The following NIBAN2 variants were observed in gnomAD, a reference collection of about 807,000 sequenced individuals.
The protein encoded by NIBAN2 is niban apoptosis regulator 2, also known as protein Niban 2.
A neutral mutation model predicts 81.8 loss-of-function variants in NIBAN2; 36 were observed. The observed-to-expected ratio is 0.44, with a 90% CI of 0.34 to 0.58. NIBAN2 has a LOEUF of 0.58. Ranked by LOEUF, NIBAN2 falls within the 20% of genes least tolerant of loss-of-function variation. NIBAN2 has a pLI of 0.02. For missense variants in NIBAN2, 897 were observed against 1,014.1 expected, an observed-to-expected ratio of 0.88 and a Z score of 1.57; for synonymous variants, 445 against 441.6, an observed-to-expected ratio of 1.01 and a Z score of -0.10.
chr9:127,524,930 C>T (rs961782356), intron 4 of NIBAN2, 128 bp downstream of exon 4: 3 of 663,228 alleles, frequency 4.5e-6, no homozygotes, highest in South Asian at 1.9e-5. Flanking sequence ...TCTCCATCCA[C>T]AGCTCTAAGC....
intron 8 of NIBAN2, among the ~76,000 whole-genome samples, chr9:127,515,489 C>T (rs1413369951): frequency 3.4e-5 from 5 of 146,422 alleles, no homozygotes; most frequent in African/African-American, 1.0e-4. Context: ...CCACTGCACT[C>T]CAGCCTGGGC....
intron 1 of NIBAN2, among the ~76,000 whole-genome samples, chr9:127,554,528 ATTCTT>A (rs1436157860): frequency 8.9e-6 from 1 of 111,992 alleles, no homozygotes; most frequent in Non-Finnish European, 2.0e-5. Flanking sequence ...CAATAGGGTT[ATTCTT>A]TTCTTTTTCT....
chr9:127,568,113 T>TA (rs1837889867), intron 1 of NIBAN2, among the ~76,000 whole-genome samples: 2 of 152,108 alleles, frequency 1.3e-5, no homozygotes, highest in Admixed American at 1.3e-4. Context: ...CACTGTGCAG[T>TA]AATAGGCTGA....
At chr9:127,521,722 G>A (rs1208032280) in intron 5 of NIBAN2, among the ~76,000 whole-genome samples, 2 of 152,206 alleles carry the variant, frequency 1.3e-5, no homozygotes, top group African/African-American at 4.8e-5. Flanking sequence ...CCACCCGGCA[G>A]GACACCTTCC....
upstream of NIBAN2, among the ~76,000 whole-genome samples, chr9:127,571,566 C>A (rs150308119): frequency 6.6e-6 from 1 of 152,106 alleles, no homozygotes. Context: ...CATGGTGGCA[C>A]GCGCCTGTAG....
At chr9:127,511,067 CAG>C (rs759044558) in intron 8 of NIBAN2, among the ~76,000 whole-genome samples, 22 of 152,248 alleles carry the variant, frequency 1.4e-4, no homozygotes, top group Admixed American at 1.0e-3. Flanking sequence ...ATTTTTGAGA[CAG>C]AGTCTCGTGC....
At chr9:127,522,350 C>A (rs887341408) in intron 5 of NIBAN2, among the ~76,000 whole-genome samples, 2 of 152,178 alleles carry the variant, frequency 1.3e-5, no homozygotes, top group South Asian at 2.1e-4. Flanking sequence ...TCCCCTGCAA[C>A]CTTCCACCTC....
intron 1 of NIBAN2, among the ~76,000 whole-genome samples, chr9:127,541,125 C>T (rs1168478373): frequency 6.6e-6 from 1 of 152,206 alleles, no homozygotes; most frequent in African/African-American, 2.4e-5. Context: ...AGAGTTGTCC[C>T]AAGCACCACC....
At chr9:127,555,074 A>G (rs1271065462) in intron 1 of NIBAN2, among the ~76,000 whole-genome samples, 1 of 152,180 alleles carries the variant, frequency 6.6e-6, no homozygotes, top group Non-Finnish European at 1.5e-5. Context: ...ACAAACATAC[A>G]CACTTTCAGA....
At chr9:127,511,981 G>C (rs537023689) in intron 8 of NIBAN2, among the ~76,000 whole-genome samples, 1 of 152,140 alleles carries the variant, frequency 6.6e-6, no homozygotes, top group Non-Finnish European at 1.5e-5. Flanking sequence ...GGGAACCTCC[G>C]TACACTGCTG....
chr9:127,527,003 G>A (rs7038962), intron 3 of NIBAN2, among the ~76,000 whole-genome samples, 191 bp downstream of exon 3: 36 of 152,170 alleles, frequency 2.4e-4, no homozygotes, highest in Non-Finnish European at 4.6e-4. Context: ...TGAAGAATGA[G>A]CTGCCGTCCA....
chr9:127,564,371 C>A (rs188441678), intron 1 of NIBAN2, among the ~76,000 whole-genome samples: 1 of 151,350 alleles, frequency 6.6e-6, no homozygotes, highest in East Asian at 1.9e-4. Context: ...GGGTTTGTAC[C>A]AGCAGGTTCA....
rs558356297 is a variant in NIBAN2 at position 127,515,104 on chromosome 9, T to C, written c.973+1753A>G. ...AGCCAGGCGTGGTGGCCTGCACCTG[T>C]AGTCCCAGTTACGCAGGAGGCTGAG... On this transcript the variant is annotated intron_variant, in intron 8 of 13. Coordinates refer to ENST00000373312, the MANE Select transcript of NIBAN2 (RefSeq NM_022833.4). Among the ~76,000 whole-genome samples the C allele has an allele frequency of 5.3e-5, 8 of 152,292 alleles. No individual in the cohort carries two copies. The East Asian group carries it at 1.5e-3, about 29-fold the overall frequency.
chr9:127,527,076 T>G (rs1056674518), intron 3 of NIBAN2, 118 bp downstream of exon 3: 1 of 1,307,756 alleles, frequency 7.6e-7, no homozygotes, highest in African/African-American at 1.4e-5. Context: ...GCTCTGGCCC[T>G]GGTGACCGCG....
chr9:127,525,784 A>T (rs549580420), intron 3 of NIBAN2, among the ~76,000 whole-genome samples: 1 of 152,344 alleles, frequency 6.6e-6, no homozygotes, highest in East Asian at 1.9e-4. Context: ...GTTGGGAAGT[A>T]GCAGATGTAG....
chr9:127,561,446 C>T (rs1837772577), intron 1 of NIBAN2, among the ~76,000 whole-genome samples: 4 of 152,198 alleles, frequency 2.6e-5, no homozygotes, highest in South Asian at 2.1e-4. Context: ...CACTGTTCTG[C>T]GCTGACCAGG....
At position 127,569,052 on chromosome 9, in the gene NIBAN2, C is replaced by T; in HGVS notation, c.-178G>A. 2.2e-5 allele frequency: 24 copies of T among 1,089,490 alleles called. No homozygotes were observed. The highest frequency in any genetic ancestry group is 2.7e-5 in the Non-Finnish European group (24 of 898,912). 67.5% of individuals were successfully genotyped at this position (1,089,490 alleles called of 1,614,324 possible). ...TCCGGCTCCGCTCCCGGTCGGGCCCCGTCCCTCCAGCCGGCCGCCTTGGCC... is the reference window on the plus strand; with the variant it reads ...TCCGGCTCCGCTCCCGGTCGGGCCCTGTCCCTCCAGCCGGCCGCCTTGGCC... On this transcript the variant is annotated 5_prime_UTR_variant, in exon 1 of 14. Transcript: ENST00000373312.
At chr9:127,535,204 C>T (rs904239885) in intron 1 of NIBAN2, among the ~76,000 whole-genome samples, 8 of 152,256 alleles carry the variant, frequency 5.3e-5, no homozygotes, top group Non-Finnish European at 1.2e-4. Context: ...GAGTCTGCCA[C>T]CCTGGCCCTC....
At chr9:127,570,049 G>T (rs1837929036), upstream of NIBAN2, among the ~76,000 whole-genome samples, 2 of 152,138 alleles carry the variant, frequency 1.3e-5, no homozygotes, top group African/African-American at 4.8e-5. Flanking sequence ...CAATCCTTTG[G>T]CTGCTGGTGC....
Sources: gnomAD v4.1 joint callset for allele counts (sites outside exome capture counted in the v4.1 genomes callset) on GRCh38, gnomAD v4.1.1 for gene constraint, MANE v1.5 for transcripts, NCBI Gene and HGNC (gene_info 2026-07-23, HGNC 2026-07-21) for gene names.